Variants in AP2A1 observed in about 807,000 individuals in gnomAD.
AP2A1 encodes the protein AP-2 complex subunit alpha-1.
A neutral mutation model predicts 107.3 loss-of-function variants in AP2A1; 21 were observed. The ratio of observed to expected loss-of-function variants is 0.20; its 90% confidence interval spans 0.14 to 0.28. The LOEUF (loss-of-function observed/expected upper bound fraction) is 0.28. AP2A1 is among the 10% of genes least tolerant of loss of function. The pLI is 1.00. For missense variants in AP2A1, 873 were observed against 1,307.7 expected (o/e 0.67, Z 5.13); for synonymous variants, 602 against 564.8 (o/e 1.07, Z -0.93).
chr19:49,774,651 G>T (rs1273476587), intron 1 of AP2A1, among the ~76,000 whole-genome samples: 1 of 152,024 alleles, frequency 6.6e-6, no homozygotes, highest in African/African-American at 2.4e-5. Flanking sequence ...GGCCAGGTAT[G>T]GTGGCTCACG....
chr19:49,777,125 C>T (rs888100396), intron 1 of AP2A1, among the ~76,000 whole-genome samples: 4 of 150,296 alleles, frequency 2.7e-5, no homozygotes, highest in African/African-American at 7.3e-5. Context: ...ATCCCAACTG[C>T]TCGGGAGGCT....
At chr19:49,801,691 G>C (rs746453391) in intron 13 of AP2A1, 31 bp from the exon 14 acceptor site, 22 of 1,043,788 alleles carry the variant, frequency 2.1e-5, no homozygotes, top group Middle Eastern at 2.5e-4. Context: ...CTCCTGACCC[G>C]AACTGACCTT....
chr19:49,782,827 G>A, intron 4 of AP2A1, 103 bp downstream of exon 4: 1 of 1,329,044 alleles, frequency 7.5e-7, no homozygotes, highest in Non-Finnish European at 1.0e-6. Context: ...AGGTCTCCCA[G>A]CCGAGATGTG....
chr19:49,793,515 G>T (rs1234916900), intron 6 of AP2A1, among the ~76,000 whole-genome samples: 2 of 151,974 alleles, frequency 1.3e-5, no homozygotes, highest in Non-Finnish European at 2.9e-5. Flanking sequence ...CCTGCCTGGC[G>T]TCCCTCTCCC....
rs1357964733 is a variant in AP2A1 at position 49,786,400 on chromosome 19, C to T, written c.473+3676C>T. Among the ~76,000 whole-genome samples the T allele has an allele frequency of 2.0e-5, 3 of 152,348 alleles. 1 individual carries two copies. The highest frequency in any genetic ancestry group is 4.4e-5 in the Non-Finnish European group (3 of 68,040). On this transcript the variant is annotated intron_variant, in intron 4 of 22. Transcript: ENST00000354293. ...TGTTTGGTGCTAAGTCTTTGGAATGCGGCGTTGCGGGTGTCTCTCAGTTTG... is the reference window on the plus strand; with the variant it reads ...TGTTTGGTGCTAAGTCTTTGGAATGTGGCGTTGCGGGTGTCTCTCAGTTTG...
intron 1 of AP2A1, among the ~76,000 whole-genome samples, chr19:49,772,251 T>TTTTTTTG (rs1221689731): frequency 6.3e-5 from 7 of 111,546 alleles, no homozygotes; most frequent in South Asian, 3.7e-4. Flanking sequence ...ATAGAGTTTT[T>TTTTTTTG]TTTTTTTTTT....
intron 1 of AP2A1, among the ~76,000 whole-genome samples, chr19:49,773,085 T>A (rs1222909600): frequency 6.6e-6 from 1 of 151,368 alleles, no homozygotes. Flanking sequence ...ACAGTGGGGC[T>A]ATGGGGAAGG....
intron 5 of AP2A1, 144 bp from the exon 6 acceptor site, chr19:49,792,847 A>G (rs2073163770): frequency 5.5e-6 from 4 of 723,340 alleles, no homozygotes; most frequent in Non-Finnish European, 9.2e-6. Flanking sequence ...CCACCCCTAA[A>G]GCACGCACAG....
chr19:49,795,126 G>A (rs955993705), intron 6 of AP2A1, among the ~76,000 whole-genome samples: 2 of 152,230 alleles, frequency 1.3e-5, no homozygotes, highest in Non-Finnish European at 2.9e-5. Flanking sequence ...CCAGGAGCCG[G>A]TGCGCTGTGT....
chr19:49,803,426 C>CTCA lies in AP2A1; in HGVS notation c.2344+51_2344+53dup, dbSNP rs1259353792. On this transcript the variant is annotated intron_variant, in intron 18 of 22. Coordinates refer to ENST00000354293, the MANE Select transcript of AP2A1 (RefSeq NM_130787.3). ...CTCCTGCCTCTCCACGTCGGCCTTCCTCACCGTGGGGAAGCCGGCTGACCC... is the reference window on the plus strand; with the variant it reads ...CTCCTGCCTCTCCACGTCGGCCTTCCTCATCACCGTGGGGAAGCCGGCTGACCC... 2.0e-6 allele frequency: 3 copies of CTCA among 1,529,830 alleles called. No homozygotes were observed. In the African/African-American group the frequency reaches 4.1e-5, roughly 21 times the overall value. 94.8% of individuals were successfully genotyped at this position (1,529,830 alleles called of 1,614,324 possible). A position where few individuals can be genotyped will look rare whatever the true frequency, so the allele number is the denominator to read the frequency against.
intron 1 of AP2A1, among the ~76,000 whole-genome samples, chr19:49,774,416 C>T (rs925344785): frequency 6.6e-6 from 1 of 152,052 alleles, no homozygotes; most frequent in African/African-American, 2.4e-5. Flanking sequence ...GGGGGCTGAC[C>T]AGGAGAATGA....
chr19:49,779,180 C>CA (rs1277842179), intron 1 of AP2A1, among the ~76,000 whole-genome samples: 5 of 151,582 alleles, frequency 3.3e-5, no homozygotes, highest in Middle Eastern at 6.8e-3. Flanking sequence ...ACTAAAAATA[C>CA]AAAAAATTAG....
At chr19:49,799,941 A>T (rs73590490) in intron 10 of AP2A1, 27 bp from the exon 11 acceptor site, 4 of 1,607,512 alleles carry the variant, frequency 2.5e-6, no homozygotes, top group African/African-American at 1.3e-5. Context: ...CCTGCGGCAC[A>T]CTCTCTCTCA....
At position 49,781,835 on chromosome 19, in the gene AP2A1, G is replaced by A. The variant is rs1258549395; in HGVS notation, c.136+10G>A. The A allele has an allele frequency of 1.2e-6, 2 of 1,610,574 alleles. No homozygotes were observed. The highest frequency in any genetic ancestry group is 3.4e-5 in the Admixed American group (2 of 59,410). On this transcript the variant is annotated intron_variant, in intron 2 of 22. Transcript: ENST00000354293. The stretch of plus-strand genomic sequence containing the variant: ...CGCTCCAAGTTCAAAGGTAGGCTGG[G>A]GGCCCAACTTCTGGTTCTGAGGGAG...
chr19:49,792,088 C>T, intron 5 of AP2A1, 24 bp downstream of exon 5: 1 of 1,606,512 alleles, frequency 6.2e-7, no homozygotes, highest in Non-Finnish European at 8.5e-7. Context: ...CCTCACACCC[C>T]CGGATACCCA....
chr19:49,770,632 C>G (rs1008731946), intron 1 of AP2A1, among the ~76,000 whole-genome samples: 3 of 152,116 alleles, frequency 2.0e-5, no homozygotes, highest in South Asian at 4.1e-4. Context: ...GGAATATTAC[C>G]GGGCCTTAAA....
intron 6 of AP2A1, among the ~76,000 whole-genome samples, chr19:49,794,360 G>C (rs2073185044): frequency 6.6e-6 from 1 of 151,724 alleles, no homozygotes; most frequent in South Asian, 2.1e-4. Context: ...GACTGCAGGT[G>C]CCTGGCTAAT....
chr19:49,780,288 G>A (rs573078105), intron 1 of AP2A1, among the ~76,000 whole-genome samples: 226 of 152,310 alleles, frequency 1.5e-3, no homozygotes, highest in Non-Finnish European at 2.1e-3. Context: ...AACTCTTTAA[G>A]CAGAATAATA....
At chr19:49,783,757 A>C (rs2084705522) in intron 4 of AP2A1, among the ~76,000 whole-genome samples, 1 of 152,224 alleles carries the variant, frequency 6.6e-6, no homozygotes, top group African/African-American at 2.4e-5. Context: ...TGGGAACAGA[A>C]GACAAAGCTT....
Sources: gnomAD v4.1 joint callset for allele counts (sites outside exome capture counted in the v4.1 genomes callset) on GRCh38, gnomAD v4.1.1 for gene constraint, MANE v1.5 for transcripts, NCBI Gene and HGNC (gene_info 2026-07-23, HGNC 2026-07-21) for gene names.